The following IGSF1 variants were observed in gnomAD, a reference collection of about 807,000 sequenced individuals.
IGSF1 encodes immunoglobulin-like domain-containing protein 1.
Under a neutral mutation model 95.3 loss-of-function variants are expected in IGSF1, and 40 were observed. The observed-to-expected ratio is 0.42, with a 90% confidence interval of 0.33 to 0.55. The LOEUF (loss-of-function observed/expected upper bound fraction) is 0.55. IGSF1 is among the 20% of genes least tolerant of loss of function. The pLI is 0.10. For synonymous variants in IGSF1, 372 were observed against 382.9 expected, an observed-to-expected ratio of 0.97 and a Z score of 0.33; for missense variants, 906 against 1,025.4, an observed-to-expected ratio of 0.88 and a Z score of 1.59.
chrX:131,275,351 T>C, intron 16 of IGSF1, 65 bp from the exon 17 acceptor site: 1 of 1,149,275 alleles, frequency 8.7e-7, no homozygotes. Context: ...CCCTGGGGTC[T>C]CTGCTCAATA....
intron 1 of IGSF1, among the ~76,000 whole-genome samples, chrX:131,287,382 C>T (rs2080659186): frequency 9.1e-6 from 1 of 110,144 alleles, no homozygotes; most frequent in Non-Finnish European, 1.9e-5. Flanking sequence ...ATGATTTAAA[C>T]TCCCAGAGGT....
chrX:131,276,904 T>C, intron 14 of IGSF1, 35 bp downstream of exon 14: 2 of 1,183,342 alleles, frequency 1.7e-6, no homozygotes, highest in Non-Finnish European at 2.3e-6. Flanking sequence ...ATCCCAGGGT[T>C]GGCACCACCT....
intron 12 of IGSF1, 151 bp from the exon 13 acceptor site, chrX:131,278,285 C>T (rs771197557): frequency 1.7e-5 from 12 of 686,734 alleles, no homozygotes; most frequent in South Asian, 1.7e-4. Context: ...TTTCCCATTC[C>T]GCCCCTCCCC....
chrX:131,277,558 C>T (rs1162465296), intron 13 of IGSF1: 1 of 370,051 alleles, frequency 2.7e-6, no homozygotes, highest in Non-Finnish European at 4.6e-6. Flanking sequence ...GAAAATGGTA[C>T]CTGCTTCACC....
At chrX:131,278,357 T>A in intron 12 of IGSF1, 104 bp downstream of exon 12, 1 of 826,203 alleles carries the variant, frequency 1.2e-6, no homozygotes, top group East Asian at 3.1e-5. Context: ...ACGAGCCCCT[T>A]GGGCTCCAGG....
At position 131,279,229 on chromosome X, in the gene IGSF1, C is replaced by A. The variant is rs199779651; in HGVS notation, c.1717+42G>T. On this transcript the variant is annotated intron_variant, in intron 10 of 19. Coordinates refer to ENST00000361420, the MANE Select transcript of IGSF1 (RefSeq NM_001555.5). Reference sequence around the variant, plus strand: ...GCCCCCTCCCCCACCGGGACTTCACCCCGGCCTTCTGCCCGGGGCCCCTTC... The same window carrying A: ...GCCCCCTCCCCCACCGGGACTTCACACCGGCCTTCTGCCCGGGGCCCCTTC... The A allele has an allele frequency of 1.6e-3, 1,940 of 1,207,188 alleles. 12 individuals carry two copies. Among genetic ancestry groups the A allele is most frequent in the Middle Eastern group, 3.5e-3 (15 of 4,340 alleles).
rs139790331 is a variant in IGSF1 at position 131,285,207 on chromosome X, G to T, written c.639C>A (p.Pro213=). ...CTACAACCAGCTTCAGGGGGTTGCT[G>T]GGCTCTGACCACAGGGTGGGGAGCA... ...IQMLPTLWSE[P]SNPLKLVVAG... Residue 213 remains proline (P), a synonymous_variant, in exon 5 of 20, where the codon CCC becomes CCA. Coordinates refer to ENST00000361420, the MANE Select transcript of IGSF1 (RefSeq NM_001555.5). 3.8e-5 allele frequency: 46 copies of T among 1,198,812 alleles called. 1 individual carries two copies. In the African/African-American group the frequency reaches 6.7e-4, roughly 17 times the overall value.
chrX:131,274,050 A>G (rs762827158), intron 19 of IGSF1, 33 bp downstream of exon 19: 1 of 1,208,934 alleles, frequency 8.3e-7, no homozygotes, highest in Non-Finnish European at 1.1e-6. Context: ...CACCTGGTTC[A>G]CAGAAGGGGG....
chrX:131,277,297 G>T, intron 13 of IGSF1, 71 bp from the exon 14 acceptor site: 1 of 993,059 alleles, frequency 1.0e-6, no homozygotes, highest in Non-Finnish European at 1.4e-6. Flanking sequence ...GAACAAGAAA[G>T]AGAGAAAGCA....
chrX:131,282,424 A>T lies in IGSF1; in HGVS notation c.1246+20T>A. ...ATAAAAACAAACAGGTTGATAATAA[A>T]AACAGTTGTTAACACTTGCCTACAA... On this transcript the variant is annotated intron_variant, in intron 7 of 19. Coordinates refer to ENST00000361420, the MANE Select transcript of IGSF1 (RefSeq NM_001555.5). 4 of 1,175,955 alleles carry T rather than the reference A, an allele frequency of 3.4e-6. No homozygotes were observed. Among genetic ancestry groups the T allele is most frequent in the Non-Finnish European group, 4.6e-6 (4 of 867,968 alleles).
intron 9 of IGSF1, among the ~76,000 whole-genome samples, chrX:131,280,793 T>C (rs1232792883): frequency 8.9e-6 from 1 of 111,795 alleles, no homozygotes; most frequent in Non-Finnish European, 1.9e-5. Flanking sequence ...GCTTAATAGC[T>C]CCTGAGAGCT....
intron 14 of IGSF1, 138 bp downstream of exon 14, chrX:131,276,801 G>C (rs1254311892): frequency 9.0e-6 from 5 of 553,793 alleles, no homozygotes; most frequent in Non-Finnish European, 5.9e-6. Context: ...ATCATGGACT[G>C]GTCACTATGG....
rs1340693049 is a variant in IGSF1 at position 131,281,314 on chromosome X, A to G, written c.1550T>C (p.Leu517Pro). The G allele has an allele frequency of 9.9e-6, 12 of 1,211,423 alleles. No homozygotes were observed. Among genetic ancestry groups the G allele is most frequent in the Non-Finnish European group, 1.1e-5 (10 of 895,049 alleles). Reference protein sequence around the residue: ...PAGYLTWNYVLNEAIRLSLIM... With the variant: ...PAGYLTWNYVPNEAIRLSLIM... ...TAGAGACAACCTGATAGCTTCATTC[A>G]GAACGTAATTCCAGGTGAGATAGCC... Residue 517 changes from leucine to proline, a missense_variant, in exon 9 of 20, where the codon CTG becomes CCG. Physicochemically the swap from Leu to Pro is moderately conservative, Grantham distance 98. This residue lies in a region of IGSF1 where 442 missense variants were observed against 448.1 expected (regional missense o/e 0.99). Coordinates refer to ENST00000361420, the MANE Select transcript of IGSF1 (RefSeq NM_001555.5).
chrX:131,289,457 C>T (rs775099421), upstream of IGSF1: 5 of 326,040 alleles, frequency 1.5e-5, no homozygotes, highest in African/African-American at 8.0e-5. Flanking sequence ...GGGATTTCTA[C>T]GCCCCTCCCA....
Position 131,277,946 on chromosome X carries a change from C to A in IGSF1, c.2230G>T (p.Asp744Tyr). 4 of 1,210,965 alleles carry A rather than the reference C, an allele frequency of 3.3e-6. No individual in the cohort carries two copies. The highest frequency in any genetic ancestry group is 4.5e-6 in the Non-Finnish European group (4 of 895,071). The change falls in exon 13 of 20, where the codon GAC becomes TAC. Residue 744 changes from aspartate to tyrosine, a missense_variant. Coordinates refer to ENST00000361420, the MANE Select transcript of IGSF1 (RefSeq NM_001555.5). Reference protein sequence around the residue: ...FFTIQRMEDKDEGNYSCRTHT... With the variant: ...FFTIQRMEDKYEGNYSCRTHT... Reference sequence around the variant, plus strand: ...GTGCGGCAGCTGTAATTGCCTTCGTCTTTATCCTCCATTCTCTGGATTGTA... The same window carrying A: ...GTGCGGCAGCTGTAATTGCCTTCGTATTTATCCTCCATTCTCTGGATTGTA...
Position 131,282,716 on chromosome X carries a change from A to G in IGSF1, c.974T>C (p.Leu325Pro), listed in dbSNP as rs2080580307. 1.7e-6 allele frequency: 2 copies of G among 1,205,630 alleles called. No individual in the cohort carries two copies. Among genetic ancestry groups the G allele is most frequent in the Non-Finnish European group, 2.2e-6 (2 of 892,329 alleles). Residue 325 changes from leucine (L) to proline (P), a missense_variant, in exon 7 of 20, where the codon CTA becomes CCA. Physicochemically the swap from Leu to Pro is moderately conservative, Grantham distance 98. This residue lies in a region of IGSF1 where 442 missense variants were observed against 448.1 expected (regional missense o/e 0.99). Transcript: ENST00000361420. ...GACCACAGCACTGGGCCGAGCAAGT[A>G]GCCAGGTCTTGGGGAAAGTGTCTAG... ...WVTDTFPKTW[L>P]LARPSAVVQM...
chrX:131,280,419 G>C (rs764087509), intron 9 of IGSF1, among the ~76,000 whole-genome samples: 1 of 111,473 alleles, frequency 9.0e-6, no homozygotes, highest in Non-Finnish European at 1.9e-5. Flanking sequence ...GTTGCAGGGC[G>C]GGGGGTACAG....
Position 131,283,101 on chromosome X carries a change from A to AT in IGSF1, c.830dup (p.Asn277LysfsTer2). ...AAGACTGGAAGAAGAAATTTGCCTC[A>AT]TTTTTTATTGTCTTCTTGTGGTAAA... On this transcript the variant is annotated frameshift_variant, in exon 6 of 20. Coordinates refer to ENST00000361420, the MANE Select transcript of IGSF1 (RefSeq NM_001555.5). LOFTEE classifies it high-confidence loss of function. 8.3e-7 allele frequency: 1 copy of AT among 1,210,751 alleles called. No homozygotes were observed. Among genetic ancestry groups the AT allele is most frequent in the Non-Finnish European group, 1.1e-6 (1 of 894,534 alleles).
In IGSF1 at chrX:131,275,130, C is replaced by T; in HGVS notation, c.3341G>A (p.Gly1114Glu). 1 of 1,211,425 alleles carries T rather than the reference C, an allele frequency of 8.3e-7. No homozygotes were observed. Among genetic ancestry groups the T allele is most frequent in the Non-Finnish European group, 1.1e-6 (1 of 895,325 alleles). The change falls in exon 17 of 20, where the codon GGG becomes GAG. Residue 1114 changes from glycine (G) to glutamate (E), a missense_variant. Gly to Glu is a moderately conservative substitution (Grantham distance 98, BLOSUM62 -2). Coordinates refer to ENST00000361420, the MANE Select transcript of IGSF1 (RefSeq NM_001555.5). Reference protein sequence around the residue: ...QEPLEQQRPSGYRADFWMPAV... With the variant: ...QEPLEQQRPSEYRADFWMPAV... ...TGGCATCCAGAAGTCAGCCCTGTAC[C>T]CACTTGGCCTCTGTTGCTCTAAAGG...
Sources: gnomAD v4.1 joint callset for allele counts (sites outside exome capture counted in the v4.1 genomes callset) on GRCh38, gnomAD v4.1.1 for gene constraint, gnomAD v4.1.1 regional missense constraint, MANE v1.5 for transcripts, NCBI Gene and HGNC (gene_info 2026-07-23, HGNC 2026-07-21) for gene names.